The following LDHB variants were observed in gnomAD, a reference collection of about 807,000 sequenced individuals.
LDHB encodes the protein lactate dehydrogenase B.
A neutral mutation model predicts 33.4 loss-of-function variants in LDHB; 18 were observed. That is an observed-to-expected ratio of 0.54 (90% confidence interval 0.37 to 0.80). The LOEUF (loss-of-function observed/expected upper bound fraction) is 0.80, where lower values mean the gene tolerates loss of function less well. LDHB is among the 30% of genes least tolerant of loss of function. LDHB has a pLI of 0.00. For synonymous variants in LDHB, 121 were observed against 140.6 expected, an observed-to-expected ratio of 0.86 and a Z score of 0.98; for missense variants, 345 against 407.9, an observed-to-expected ratio of 0.85 and a Z score of 1.33.
chr12:21,638,155 G>C (rs1196280550), intron 6 of LDHB, among the ~76,000 whole-genome samples, 198 bp downstream of exon 6: 1 of 151,944 alleles, frequency 6.6e-6, no homozygotes, highest in Non-Finnish European at 1.5e-5. Flanking sequence ...AGTTTCTCTA[G>C]AGAAAATATT....
intron 1 of LDHB, 98 bp from the exon 2 acceptor site, chr12:21,654,775 T>A: frequency 2.0e-6 from 2 of 988,808 alleles, no homozygotes; most frequent in Non-Finnish European, 3.2e-6. Flanking sequence ...CGAACTGAAG[T>A]ACAACTTAAA....
At chr12:21,647,071 T>TCACA in intron 2 of LDHB, 55 bp from the exon 3 acceptor site, 1 of 959,854 alleles carries the variant, frequency 1.0e-6, no homozygotes, top group Non-Finnish European at 1.7e-6. Flanking sequence ...ATGCGTCAGC[T>TCACA]CACAATCTAA....
At chr12:21,654,088 A>G (rs755934095) in intron 2 of LDHB, among the ~76,000 whole-genome samples, 4 of 152,212 alleles carry the variant, frequency 2.6e-5, no homozygotes, top group Non-Finnish European at 4.4e-5. Flanking sequence ...AGACAGACAA[A>G]TTGAGGGACA....
At position 21,637,071 on chromosome 12, in the gene LDHB, C is replaced by T; in HGVS notation, c.837G>A (p.Lys279=). The change falls in exon 7 of 8, where the codon AAG becomes AAA. Residue 279 remains lysine, a splice_region_variant and synonymous_variant. Coordinates refer to ENST00000350669, the MANE Select transcript of LDHB (RefSeq NM_002300.8). ...TACATTTTGTGGTAGTTTGTCTTAC[C>T]TTTACCATTGTTGACACGGGATGAA... is the stretch of plus-strand genomic sequence containing the variant. ...SRIHPVSTMV[K]GMYGIENEVF... is the part of the protein sequence containing the mutation. The T allele has an allele frequency of 3.7e-6, 6 of 1,603,490 alleles. No individual in the cohort carries two copies. The highest frequency in any genetic ancestry group is 5.1e-6 in the Non-Finnish European group (6 of 1,172,232).
intron 1 of LDHB, among the ~76,000 whole-genome samples, chr12:21,656,143 A>C (rs1938837750): frequency 6.6e-6 from 1 of 152,226 alleles, no homozygotes; most frequent in South Asian, 2.1e-4. Context: ...GTATACGTAA[A>C]GTAAGAGTTA....
rs773972295 is a variant in LDHB at position 21,635,647 on chromosome 12, TC to T, written c.899del (p.Gly300AspfsTer2). 6.2e-7 allele frequency: 1 copy of T among 1,613,582 alleles called. No homozygotes were observed. Among genetic ancestry groups the T allele is most frequent in the African/African-American group, 1.3e-5 (1 of 74,850 alleles). On this transcript the variant is annotated frameshift_variant, in exon 8 of 8. Transcript: ENST00000350669. LOFTEE classifies it high-confidence loss of function. ...GCTTCTGGTTGATAACGCTGGTTAA[TC>T]CCCGGGCATTGAGGATACATGGAAG... ...LSLPCILNAR[G>X]LTSVINQKLK... is the part of the protein sequence containing the mutation.
In LDHB at chr12:21,657,779, G is replaced by A. The variant is rs927555036; in HGVS notation, c.-35C>T. 1.3e-5 allele frequency: 2 copies of A among 152,344 alleles called. No homozygotes were observed. The highest frequency in any genetic ancestry group is 2.4e-5 in the African/African-American group (1 of 41,476). The allele number at this position is 152,344 out of a possible 1,614,324, so 9.4% of individuals were successfully genotyped here. A position where few individuals can be genotyped will look rare whatever the true frequency, so the allele number is the denominator to read the frequency against. On this transcript the variant is annotated 5_prime_UTR_variant, in exon 1 of 8. Coordinates refer to ENST00000350669, the MANE Select transcript of LDHB (RefSeq NM_002300.8). ...GAGAGAGAAGGCTCTGGAGACCTCT[G>A]TAACAGTCGTGCGGAGAAGACAAAG...
At chr12:21,648,091 A>T (rs1938579176) in intron 2 of LDHB, among the ~76,000 whole-genome samples, 1 of 152,326 alleles carries the variant, frequency 6.6e-6, no homozygotes, top group South Asian at 2.1e-4. Context: ...TCAGCTATGA[A>T]ATTCCATTAT....
chr12:21,647,105 G>T, intron 2 of LDHB, 89 bp from the exon 3 acceptor site: 1 of 760,936 alleles, frequency 1.3e-6, no homozygotes. Context: ...CTTTAACATG[G>T]CTAAGCACCA....
intron 2 of LDHB, among the ~76,000 whole-genome samples, chr12:21,649,109 G>C (rs1938608496): frequency 6.6e-6 from 1 of 152,104 alleles, no homozygotes; most frequent in Non-Finnish European, 1.5e-5. Flanking sequence ...TAGCTATAAT[G>C]GTTCTATTAA....
At chr12:21,640,374 T>C (rs961517897) in intron 5 of LDHB, among the ~76,000 whole-genome samples, 2 of 151,930 alleles carry the variant, frequency 1.3e-5, no homozygotes, top group Non-Finnish European at 2.9e-5. Flanking sequence ...GTGATTTTAA[T>C]GTTGCTCTTT....
intron 2 of LDHB, among the ~76,000 whole-genome samples, chr12:21,651,158 C>T (rs1201531057): frequency 6.6e-6 from 1 of 152,220 alleles, no homozygotes; most frequent in South Asian, 2.1e-4. Flanking sequence ...ATGGTACCAT[C>T]ATGTTGCACT....
At chr12:21,655,063 G>T (rs1438284476) in intron 1 of LDHB, among the ~76,000 whole-genome samples, 1 of 152,078 alleles carries the variant, frequency 6.6e-6, no homozygotes, top group Non-Finnish European at 1.5e-5. Flanking sequence ...GGAGGTTGCA[G>T]TGAGCTTAGA....
chr12:21,653,051 G>A (rs768134397), intron 2 of LDHB, among the ~76,000 whole-genome samples: 5 of 152,234 alleles, frequency 3.3e-5, no homozygotes, highest in South Asian at 2.1e-4. Context: ...TACATTTAAG[G>A]CAGCCATCAG....
intron 6 of LDHB, among the ~76,000 whole-genome samples, chr12:21,637,565 G>A (rs1677133): frequency 0.95 from 143,774 of 152,116 alleles, 68,443 homozygotes; most frequent in East Asian, 1. Context: ...TCTCAATTGT[G>A]AGGTCCCACT....
Position 21,635,444 on chromosome 12 carries a change from G to T in LDHB, c.*98C>A. The T allele has an allele frequency of 2.9e-6, 3 of 1,018,298 alleles. No individual in the cohort carries two copies. The highest frequency in any genetic ancestry group is 4.7e-6 in the Non-Finnish European group (3 of 642,618). The allele number at this position is 1,018,298 out of a possible 1,614,324, so 63.1% of individuals were successfully genotyped here. A position where few individuals can be genotyped will look rare whatever the true frequency, so the allele number is the denominator to read the frequency against. On this transcript the variant is annotated 3_prime_UTR_variant, in exon 8 of 8. Transcript: ENST00000350669. ...GAGCCCAAATTCACATATTGAAGAAGATCAAAGCAAACTGTGATCCATGTA... is the reference window on the plus strand; with the variant it reads ...GAGCCCAAATTCACATATTGAAGAATATCAAAGCAAACTGTGATCCATGTA...
intron 3 of LDHB, among the ~76,000 whole-genome samples, chr12:21,646,532 G>C (rs558789887): frequency 1.3e-5 from 2 of 152,272 alleles, no homozygotes; most frequent in Admixed American, 1.3e-4. Context: ...AATCCAATTT[G>C]TTATTTCCTG....
At chr12:21,651,044 GAGA>G (rs1479968878) in intron 2 of LDHB, among the ~76,000 whole-genome samples, 3 of 152,234 alleles carry the variant, frequency 2.0e-5, no homozygotes, top group Non-Finnish European at 2.9e-5. Context: ...CTGTGGCCTA[GAGA>G]AGAACATTCC....
At chr12:21,649,115 A>G (rs1428632012) in intron 2 of LDHB, among the ~76,000 whole-genome samples, 1 of 152,228 alleles carries the variant, frequency 6.6e-6, no homozygotes, top group Non-Finnish European at 1.5e-5. Context: ...TAATGGTTCT[A>G]TTAAGGTACT....
Sources: allele counts gnomAD v4.1 joint callset (sites outside exome capture counted in the v4.1 genomes callset), GRCh38; gene constraint gnomAD v4.1.1; transcripts MANE v1.5; gene names NCBI Gene and HGNC (gene_info 2026-07-23, HGNC 2026-07-21).